Variants in GABRA5 observed in about 807,000 individuals in gnomAD.
GABRA5 encodes gamma-aminobutyric acid type A receptor subunit alpha5, also known as gamma-aminobutyric acid receptor subunit alpha-5.
A neutral mutation model predicts 47.3 loss-of-function variants in GABRA5; 18 were observed. The observed-to-expected ratio is 0.38, with a 90% CI of 0.26 to 0.56. The LOEUF is 0.56. Among genes scored for constraint, GABRA5 ranks in the 20% least tolerant of loss-of-function variants. The pLI is 0.71. For synonymous variants in GABRA5, 237 were observed against 229.3 expected, an observed-to-expected ratio of 1.03 and a Z score of -0.30; for missense variants, 365 against 599.3, an observed-to-expected ratio of 0.61 and a Z score of 4.08.
At chr15:26,931,944 C>G (rs1365698187) in intron 7 of GABRA5, among the ~76,000 whole-genome samples, 1 of 152,110 alleles carries the variant, frequency 6.6e-6, no homozygotes, top group African/African-American at 2.4e-5. Flanking sequence ...GGACTCCTCC[C>G]TTACACCTTA....
At position 26,892,434 on chromosome 15, in the gene GABRA5, G is replaced by C. The variant is rs368432670; in HGVS notation, c.497+8877G>C. On this transcript the variant is annotated intron_variant, in intron 6 of 10. Coordinates refer to ENST00000335625, the MANE Select transcript of GABRA5 (RefSeq NM_000810.4). The stretch of plus-strand genomic sequence containing the variant: ...GCCCGCGCCCCGGGGGCCCAGCAGT[G>C]GGGGGGCTGCCTTCCCCGGCCGCGC... Among the ~76,000 whole-genome samples, 69 of 151,514 alleles carry C rather than the reference G, an allele frequency of 4.6e-4. 2 individuals are homozygous for C. In the East Asian group the frequency reaches 9.6e-3, roughly 21 times the overall value.
Position 26,880,922 on chromosome 15 carries a change from G to A in GABRA5, c.163G>A (p.Gly55Arg). ...NITIFTRILD[G>R]LLDGYDNRLR... is the part of the protein sequence containing the mutation. ...CACGATATTTACCAGGATCTTGGAT[G>A]GGCTCTTGGATGGCTACGACAACAG... Residue 55 changes from glycine to arginine, a missense_variant, in exon 4 of 11, where the codon GGG becomes AGG. Gly to Arg is a moderately radical substitution (Grantham distance 125, BLOSUM62 -2). Around this residue, in one of 3 missense-constraint regions of GABRA5, gnomAD observed 216 missense variants for 335.3 expected, o/e 0.64. Coordinates refer to ENST00000335625, the MANE Select transcript of GABRA5 (RefSeq NM_000810.4). 6.2e-7 allele frequency: 1 copy of A among 1,613,966 alleles called. No individual in the cohort carries two copies.
At chr15:26,870,250 G>T (rs1035705521) in intron 3 of GABRA5, among the ~76,000 whole-genome samples, 1 of 152,196 alleles carries the variant, frequency 6.6e-6, no homozygotes, top group East Asian at 1.9e-4. Flanking sequence ...CTTCCCATCT[G>T]GGGGGAAAGA....
chr15:26,939,489 G>A, intron 8 of GABRA5: 1 of 727,488 alleles, frequency 1.4e-6, no homozygotes, highest in Admixed American at 1.9e-5. Flanking sequence ...TGGTGGGAGT[G>A]GTCGTCTCAC....
At chr15:26,938,042 C>T (rs561003476) in intron 8 of GABRA5, among the ~76,000 whole-genome samples, 12 of 152,342 alleles carry the variant, frequency 7.9e-5, no homozygotes, top group African/African-American at 2.9e-4. Flanking sequence ...GGAGGGGGCC[C>T]TGATGGCAGA....
At chr15:26,898,144 C>G (rs1893243529) in intron 6 of GABRA5, among the ~76,000 whole-genome samples, 1 of 152,146 alleles carries the variant, frequency 6.6e-6, no homozygotes, top group African/African-American at 2.4e-5. Context: ...GGATCACTTT[C>G]TTAGAAATTG....
At chr15:26,896,905 A>G (rs1471097747) in intron 6 of GABRA5, among the ~76,000 whole-genome samples, 1 of 151,752 alleles carries the variant, frequency 6.6e-6, no homozygotes, top group Non-Finnish European at 1.5e-5. Flanking sequence ...TATTATGTGA[A>G]TTTAAGCAGT....
At chr15:26,874,634 C>A (rs1279125445) in intron 3 of GABRA5, among the ~76,000 whole-genome samples, 1 of 152,328 alleles carries the variant, frequency 6.6e-6, no homozygotes, top group Non-Finnish European at 1.5e-5. Context: ...CCCAAATAAA[C>A]TCCAACACGG....
intron 10 of GABRA5, among the ~76,000 whole-genome samples, chr15:26,947,335 A>C (rs1437615752): frequency 2.0e-5 from 3 of 152,142 alleles, no homozygotes; most frequent in East Asian, 3.9e-4. Flanking sequence ...AGTACCTAAT[A>C]GTTATTTTTC....
At chr15:26,923,912 AT>A (rs569522995) in intron 7 of GABRA5, among the ~76,000 whole-genome samples, 8 of 149,336 alleles carry the variant, frequency 5.4e-5, no homozygotes, top group Admixed American at 3.3e-4. Flanking sequence ...TAAAACTTCT[AT>A]TTTTTTTTCT....
intron 6 of GABRA5, among the ~76,000 whole-genome samples, chr15:26,904,908 G>A (rs1272223550): frequency 6.6e-6 from 1 of 152,158 alleles, no homozygotes; most frequent in Non-Finnish European, 1.5e-5. Context: ...TGCAAACAGG[G>A]ATAGTTTGAC....
chr15:26,919,146 A>T (rs1255719328), intron 7 of GABRA5, among the ~76,000 whole-genome samples: 1 of 113,224 alleles, frequency 8.8e-6, no homozygotes, highest in East Asian at 2.3e-4. Flanking sequence ...CTGTCTCAAG[A>T]AACAAAACAC....
intron 6 of GABRA5, among the ~76,000 whole-genome samples, chr15:26,892,378 G>A (rs1340545641): frequency 6.6e-6 from 1 of 152,212 alleles, no homozygotes; most frequent in African/African-American, 2.4e-5. Context: ...CCCCGTGGCA[G>A]CCCCAGGCTC....
rs773633746 is a variant in GABRA5, at chr15:26,940,087, C to G, written c.877+10C>G. On this transcript the variant is annotated intron_variant, in intron 9 of 10. Coordinates refer to ENST00000335625, the MANE Select transcript of GABRA5 (RefSeq NM_000810.4). ...GCCAGGACAGTTTTTGGTGAGTGTCCCCAAGCCAGGCCTGGACACTGGTGT... is the reference window on the plus strand; with the variant it reads ...GCCAGGACAGTTTTTGGTGAGTGTCGCCAAGCCAGGCCTGGACACTGGTGT... 1.2e-6 allele frequency: 2 copies of G among 1,607,164 alleles called. No homozygotes were observed. Among genetic ancestry groups the G allele is most frequent in the Admixed American group, 3.4e-5 (2 of 59,072 alleles).
upstream of GABRA5, chr15:26,866,812 G>A (rs952640999): frequency 9.2e-5 from 14 of 152,298 alleles, no homozygotes; most frequent in African/African-American, 3.4e-4. Context: ...CGGCTCTAGG[G>A]AGCAAAGCTG....
At chr15:26,871,731 A>G (rs1892477677) in intron 3 of GABRA5, among the ~76,000 whole-genome samples, 1 of 152,140 alleles carries the variant, frequency 6.6e-6, no homozygotes, top group South Asian at 2.1e-4. Flanking sequence ...ATACATGATC[A>G]CAATTTCTTT....
intron 6 of GABRA5, among the ~76,000 whole-genome samples, chr15:26,887,585 CTCGGCCTCCACCCACA>C (rs908022620): frequency 4.6e-5 from 7 of 152,050 alleles, no homozygotes; most frequent in Admixed American, 6.6e-5. Flanking sequence ...CTCCACCCAC[CTCGGCCTCCACCCACA>C]TCGGCCTCCC....
intron 6 of GABRA5, among the ~76,000 whole-genome samples, chr15:26,906,245 A>G (rs1285698655): frequency 6.6e-6 from 1 of 152,178 alleles, no homozygotes; most frequent in Non-Finnish European, 1.5e-5. Flanking sequence ...TCCTTAGTTC[A>G]TTGGTCAACT....
At position 26,867,555 on chromosome 15, in the gene GABRA5, G is replaced by A. The variant is rs563891963; in HGVS notation, c.-140+444G>A. 8.5e-5 allele frequency: 13 copies of A among 152,876 alleles called. No homozygotes were observed. The highest frequency in any genetic ancestry group is 2.6e-4 in the African/African-American group (11 of 41,554). The allele number at this position is 152,876 out of a possible 1,614,324, so 9.5% of individuals were successfully genotyped here. A position where few individuals can be genotyped will look rare whatever the true frequency, so the allele number is the denominator to read the frequency against. Reference sequence around the variant, plus strand: ...AGGCGGGGCGCGCAGCCAGGCCAGAGCGCAAACTTTACCCTGGCGACTGCG... The same window carrying A: ...AGGCGGGGCGCGCAGCCAGGCCAGAACGCAAACTTTACCCTGGCGACTGCG... On this transcript the variant is annotated intron_variant, in intron 1 of 10. Transcript: ENST00000335625. This position sits in a 1 kb window ranked among gnomAD's most constrained non-coding sequence, Gnocchi z 5.9.
Sources: allele counts gnomAD v4.1 joint callset (sites outside exome capture counted in the v4.1 genomes callset), GRCh38; gene constraint gnomAD v4.1.1; regional missense constraint gnomAD v4.1.1; non-coding constraint Gnocchi (gnomAD v3.1); transcripts MANE v1.5; gene names NCBI Gene and HGNC (gene_info 2026-07-23, HGNC 2026-07-21).